KLK4: variants seen among roughly 807,000 people sequenced by gnomAD.
The protein encoded by KLK4 is kallikrein related peptidase 4, also known as kallikrein-4.
Under a neutral mutation model 24.3 loss-of-function variants are expected in KLK4, and 24 were observed. The observed-to-expected ratio is 0.99, with a 90% CI of 0.72 to 1.39. The LOEUF is 1.39. KLK4 is among the 40% of genes most tolerant of loss of function. The probability of loss-of-function intolerance (pLI) is 0.00; values close to 1 mark genes in which losing one functional copy is unlikely to be tolerated. For missense variants in KLK4, 344 were observed against 327.4 expected (o/e 1.05, Z -0.39); for synonymous variants, 142 against 138.8 (o/e 1.02, Z -0.16).
In KLK4 at chr19:50,910,885, C is replaced by A; in HGVS notation, c.-11-136G>T. The stretch of plus-strand genomic sequence containing the variant: ...AGAGCCTAGACCATCTACCCCCTCT[C>A]CCATCCATGGACCCAGAACCTAGAG... On this transcript the variant is annotated intron_variant, in intron 1 of 5. Coordinates refer to ENST00000324041, the Ensembl canonical transcript of KLK4. The surrounding 1 kb of genome is among the most constrained non-coding windows in gnomAD (Gnocchi z 4.4). 1 of 735,456 alleles carries A rather than the reference C, an allele frequency of 1.4e-6. No individual in the cohort carries two copies. The allele number at this position is 735,456 out of a possible 1,614,324, so 45.6% of individuals were successfully genotyped here. A position where few individuals can be genotyped will look rare whatever the true frequency, so the allele number is the denominator to read the frequency against.
rs535545018 is a variant in KLK4, at chr19:50,908,255, G to C, written c.612+104C>G. On this transcript the variant is annotated intron_variant, in intron 5 of 5. Transcript: ENST00000324041. ...TCTCTAGTTGTCACTGTCTCCCTGTGTGTCTCTCCATCTCTGCATCTCGCC... is the reference window on the plus strand; with the variant it reads ...TCTCTAGTTGTCACTGTCTCCCTGTCTGTCTCTCCATCTCTGCATCTCGCC... 9 of 1,331,350 alleles carry C rather than the reference G, an allele frequency of 6.8e-6. No individual in the cohort carries two copies. In the African/African-American group the frequency reaches 8.6e-5, roughly 13 times the overall value. 82.5% of individuals were successfully genotyped at this position (1,331,350 alleles called of 1,614,324 possible). A position where few individuals can be genotyped will look rare whatever the true frequency, so the allele number is the denominator to read the frequency against.
Position 50,910,692 on chromosome 19 carries a change from A to G in KLK4, c.47T>C (p.Ile16Thr), listed in dbSNP as rs113372384. 7.1e-6 allele frequency: 11 copies of G among 1,555,736 alleles called. No homozygotes were observed. In the African/African-American group the frequency reaches 1.4e-4, roughly 19 times the overall value. Residue 16 changes from isoleucine (I) to threonine (T), a missense_variant, in exon 2 of 6, where the codon ATC becomes ACC. Transcript: ENST00000324041. The surrounding 1 kb of genome is among the most constrained non-coding windows in gnomAD (Gnocchi z 4.4). ...TACTCAGATACCTGCGACACCAAGG[A>G]TGAGGTACCCCAGGAACCAGCCCCA...
At position 50,909,345 on chromosome 19, in the gene KLK4, C is replaced by T. The variant is rs759312127; in HGVS notation, c.131G>A (p.Trp44Ter). 1 of 1,614,226 alleles carries T rather than the reference C, an allele frequency of 6.2e-7. No homozygotes were observed. The highest frequency in any genetic ancestry group is 8.5e-7 in the Non-Finnish European group (1 of 1,180,046). ...GTTTTCCATGACCAGTGCCGCCTGCCAGGGCTGCGAGTGCGGGCTGCAGTC... is the reference window on the plus strand; with the variant it reads ...GTTTTCCATGACCAGTGCCGCCTGCTAGGGCTGCGAGTGCGGGCTGCAGTC... Residue 44 changes from tryptophan (W) to a stop codon, truncating the protein, a stop_gained, in exon 3 of 6, where the codon TGG (tryptophan) becomes TAG (stop). Transcript: ENST00000324041. LOFTEE classifies it high-confidence loss of function.
chr19:50,908,733 C>G, exon 4 of KLK4: 1 of 1,614,208 alleles, frequency 6.2e-7, no homozygotes, highest in Non-Finnish European at 8.5e-7. Context: ...GTCTGTTGTA[C>G]TCTGGGTGCC....
chr19:50,908,309 C>G, intron 5 of KLK4, 50 bp downstream of exon 5: 3 of 1,605,682 alleles, frequency 1.9e-6, no homozygotes, highest in East Asian at 4.5e-5. Context: ...CTGTCTCCCC[C>G]TTCTCCACCC....
intron 3 of KLK4, 40 bp from the exon 4 acceptor site, chr19:50,908,869 C>T: frequency 6.2e-7 from 1 of 1,604,296 alleles, no homozygotes; most frequent in South Asian, 1.1e-5. Context: ...GTGGCAACTA[C>T]ATCCTTACCT....
At chr19:50,907,012 G>A in exon 6 of KLK4, 1 of 1,614,158 alleles carries the variant, frequency 6.2e-7, no homozygotes, top group Non-Finnish European at 8.5e-7. Context: ...CGCCAACTTG[G>A]CCACACGGGG....
chr19:50,908,678 C>T, exon 4 of KLK4: 4 of 1,614,184 alleles, frequency 2.5e-6, no homozygotes, highest in Non-Finnish European at 1.7e-6. Flanking sequence ...GACTCGGACA[C>T]GGATTCGTCC....
intron 3 of KLK4, 65 bp downstream of exon 3, chr19:50,909,187 G>A: frequency 1.9e-6 from 3 of 1,612,538 alleles, no homozygotes; most frequent in South Asian, 1.1e-5. Flanking sequence ...ACCCCAAGAT[G>A]AGCCTGATAT....
chr19:50,906,986 G>T, exon 6 of KLK4: 1 of 1,614,182 alleles, frequency 6.2e-7, no homozygotes, highest in South Asian at 1.1e-5. Flanking sequence ...GCAGAGGTTG[G>T]TGTAGACACC....
exon 4 of KLK4, chr19:50,908,583 C>A: frequency 6.2e-7 from 1 of 1,614,192 alleles, no homozygotes; most frequent in Non-Finnish European, 8.5e-7. Flanking sequence ...GCTCACCGTT[C>A]GCCAGCAGAC....
In KLK4 at chr19:50,910,007, C is replaced by T. The variant is rs1052581498; in HGVS notation, c.62-593G>A. 2.0e-5 allele frequency among the ~76,000 whole-genome samples: 3 copies of T among 152,040 alleles called. No homozygotes were observed. Among genetic ancestry groups the T allele is most frequent in the African/African-American group, 7.3e-5 (3 of 41,358 alleles). On this transcript the variant is annotated intron_variant, in intron 2 of 5. Transcript: ENST00000324041. The surrounding 1 kb of genome is among the most constrained non-coding windows in gnomAD (Gnocchi z 4.4). ...TCTGGGGTGAGCTCTGGAGGTGAGA[C>T]TGGTGCCATCGCGGTGCAAAGCCAC...
chr19:50,907,005 C>T, exon 6 of KLK4: 2 of 1,614,146 alleles, frequency 1.2e-6, no homozygotes, highest in Non-Finnish European at 1.7e-6. Context: ...CCTGGCACGC[C>T]AACTTGGCCA....
chr19:50,908,662 G>C (rs2090456963), exon 4 of KLK4: 1 of 1,614,232 alleles, frequency 6.2e-7, no homozygotes. Flanking sequence ...GCTCCGGATG[G>C]TGTCAGACTC....
exon 6 of KLK4, chr19:50,906,632 G>T (rs542213321): frequency 3.7e-6 from 1 of 269,148 alleles, no homozygotes; most frequent in Non-Finnish European, 7.1e-6. Context: ...CTGGACTCCT[G>T]GGTCTGAGGG....
At chr19:50,909,649 C>T (rs1327998636) in intron 2 of KLK4, among the ~76,000 whole-genome samples, 1 of 141,534 alleles carries the variant, frequency 7.1e-6, no homozygotes, top group South Asian at 2.2e-4. Flanking sequence ...GGGGCCGAGT[C>T]AGGGCTGGGG....
chr19:50,907,016 C>G (rs757896183), exon 6 of KLK4: 1 of 1,614,054 alleles, frequency 6.2e-7, no homozygotes, highest in Non-Finnish European at 8.5e-7. Context: ...AACTTGGCCA[C>G]ACGGGGCTTT....
chr19:50,909,361 G>A, exon 3 of KLK4: 1 of 1,614,210 alleles, frequency 6.2e-7, no homozygotes, highest in Admixed American at 1.7e-5. Flanking sequence ...TGCGAGTGCG[G>A]GCTGCAGTCC....
At chr19:50,907,764 G>T (rs1165584400) in intron 5 of KLK4, among the ~76,000 whole-genome samples, 2 of 152,054 alleles carry the variant, frequency 1.3e-5, no homozygotes, top group African/African-American at 4.8e-5. Context: ...ATGAATCTGT[G>T]TCACTGTTTC....
Sources: gnomAD v4.1 joint callset for allele counts (sites outside exome capture counted in the v4.1 genomes callset) on GRCh38, gnomAD v4.1.1 for gene constraint, Gnocchi (gnomAD v3.1) non-coding constraint, MANE v1.5 for transcripts, NCBI Gene and HGNC (gene_info 2026-07-23, HGNC 2026-07-21) for gene names.